NDUFAF6: variants seen among roughly 807,000 people sequenced by gnomAD.
NDUFAF6 encodes the protein NADH:ubiquinone oxidoreductase complex assembly factor 6.
In NDUFAF6, 45 loss-of-function variants were observed where a neutral mutation model predicts 40.8. The ratio of observed to expected loss-of-function variants is 1.10; its 90% CI spans 0.87 to 1.42. The LOEUF is 1.42. Among genes scored for constraint, NDUFAF6 ranks in the 40% most tolerant of loss-of-function variants. The probability of loss-of-function intolerance (pLI) is 0.00; values close to 1 mark genes in which losing one functional copy is unlikely to be tolerated. For synonymous variants in NDUFAF6, 185 were observed against 155.9 expected, an observed-to-expected ratio of 1.19 and a Z score of -1.39; for missense variants, 435 against 418.5, an observed-to-expected ratio of 1.04 and a Z score of -0.34.
At chr8:95,091,137 A>G (rs1018542964) in intron 2 of NDUFAF6, among the ~76,000 whole-genome samples, 1 of 151,928 alleles carries the variant, frequency 6.6e-6, no homozygotes, top group Non-Finnish European at 1.5e-5. Context: ...TTCGCCAAAC[A>G]CCTGCTGTAT....
chr8:94,950,104 C>T (rs1257120640), intron 2 of NDUFAF6: 1 of 152,584 alleles, frequency 6.6e-6, no homozygotes, highest in Non-Finnish European at 1.5e-5. Context: ...TCGGGGGCCT[C>T]TGCTCCAGCG....
At chr8:95,013,676 T>G (rs10103841) in intron 2 of NDUFAF6, among the ~76,000 whole-genome samples, 21,758 of 152,084 alleles carry the variant, frequency 0.14, 1,561 homozygotes, top group Middle Eastern at 0.25. Flanking sequence ...ATCCTAGTTA[T>G]GGGGGAGAGT....
chr8:94,989,803 C>T (rs1321377686), intron 2 of NDUFAF6, among the ~76,000 whole-genome samples: 4 of 152,316 alleles, frequency 2.6e-5, no homozygotes, highest in African/African-American at 9.6e-5. Context: ...GTGGCGTTAT[C>T]ATGGCCTCAA....
chr8:94,911,897 A>G (rs1818804686), intron 1 of NDUFAF6, among the ~76,000 whole-genome samples: 1 of 152,244 alleles, frequency 6.6e-6, no homozygotes, highest in African/African-American at 2.4e-5. Flanking sequence ...CTGATACTCA[A>G]ACACAATAGC....
In NDUFAF6 at chr8:95,052,218, T is replaced by C. The variant is rs371395957; in HGVS notation, c.861T>C (p.Ala287=). Residue 287 remains alanine, a synonymous_variant, in exon 8 of 9, where the codon GCT becomes GCC. Coordinates refer to ENST00000396124, the MANE Select transcript of NDUFAF6 (RefSeq NM_152416.4). The part of the protein sequence containing the change: ...HKTVPVKAFP[A]FLQTVSLEDF... ...CTGTTCCTGTGAAAGCATTTCCTGC[T>C]TTTCTTCAGACGGTAAGTAGATTAA... The C allele has an allele frequency of 1.2e-6, 2 of 1,614,102 alleles. No individual in the cohort carries two copies. The highest frequency in any genetic ancestry group is 2.2e-5 in the East Asian group (1 of 44,878).
intron 1 of NDUFAF6, among the ~76,000 whole-genome samples, chr8:94,936,336 A>C (rs888134537): frequency 5.9e-5 from 9 of 152,182 alleles, no homozygotes; most frequent in Non-Finnish European, 1.0e-4. Context: ...GGACACACCC[A>C]CAAGCAGGGA....
chr8:95,009,705 T>A (rs1827151772), intron 2 of NDUFAF6, among the ~76,000 whole-genome samples: 1 of 152,162 alleles, frequency 6.6e-6, no homozygotes, highest in South Asian at 2.1e-4. Context: ...GAGCTTCTCC[T>A]TTTTGTAAAG....
rs190425136 is a variant in NDUFAF6 at position 95,081,927 on chromosome 8, G to A, written n.213+6175G>A. 5.4e-3 allele frequency among the ~76,000 whole-genome samples: 823 copies of A among 152,306 alleles called. 6 individuals are homozygous for A. The highest frequency in any genetic ancestry group is 0.019 in the African/African-American group (780 of 41,578). Reference sequence around the variant, plus strand: ...AATCCAAAAATAAAATTAGCCGGGCGTGGTGGCGGGCACCTGTAATCCCAG... The same window carrying A: ...AATCCAAAAATAAAATTAGCCGGGCATGGTGGCGGGCACCTGTAATCCCAG... On this transcript the variant is annotated intron_variant and non_coding_transcript_variant, in intron 2 of 5. Coordinates refer to the NDUFAF6 transcript ENST00000523184.
upstream of NDUFAF6, among the ~76,000 whole-genome samples, chr8:95,022,651 G>A (rs989590370): frequency 2.0e-5 from 3 of 150,306 alleles, no homozygotes; most frequent in Non-Finnish European, 4.4e-5. Flanking sequence ...AAACCAGAAG[G>A]ACTAGAAGAA....
chr8:95,020,147 G>A (rs563008587), upstream of NDUFAF6, among the ~76,000 whole-genome samples: 24 of 152,200 alleles, frequency 1.6e-4, no homozygotes, highest in Middle Eastern at 3.4e-3. Flanking sequence ...TGCAGTGAGC[G>A]GAGATCGCAC....
intron 9 of NDUFAF6, chr8:95,073,005 A>T (rs1329704320): frequency 6.5e-6 from 1 of 153,200 alleles, no homozygotes; most frequent in Non-Finnish European, 1.5e-5. Context: ...TCCTTTTCTT[A>T]CAACTTCTGG....
chr8:94,929,690 C>T (rs1333340126), intron 1 of NDUFAF6: 1 of 152,136 alleles, frequency 6.6e-6, no homozygotes, highest in African/African-American at 2.4e-5. Flanking sequence ...GGAATAGTAA[C>T]AAATTAAATA....
intron 1 of NDUFAF6, chr8:94,927,107 A>G (rs968545251): frequency 2.0e-5 from 3 of 152,614 alleles, no homozygotes; most frequent in South Asian, 2.1e-4. Flanking sequence ...ATGAAAACTA[A>G]TATGTGGAAA....
intron 3 of NDUFAF6, among the ~76,000 whole-genome samples, chr8:95,039,012 T>C (rs1829840215): frequency 6.6e-6 from 1 of 151,004 alleles, no homozygotes; most frequent in Non-Finnish European, 1.5e-5. Context: ...GGTGTTGCTC[T>C]GTTGCTCAGA....
At position 95,058,109 on chromosome 8, in the gene NDUFAF6, C is replaced by G. The variant is rs1189301777; in HGVS notation, c.*172C>G. 2.8e-6 allele frequency: 4 copies of G among 1,448,398 alleles called. No individual in the cohort carries two copies. The highest frequency in any genetic ancestry group is 3.6e-6 in the Non-Finnish European group (4 of 1,111,112). 89.7% of individuals were successfully genotyped at this position (1,448,398 alleles called of 1,614,324 possible). On this transcript the variant is annotated 3_prime_UTR_variant, in exon 9 of 9. Transcript: ENST00000396124. ...CCGTGGGACTAGGGTGCCAAGACTG[C>G]TGAGATTCTGGCAGAGGCACTGCCA...
At chr8:95,096,776 T>A (rs1023184049), upstream of NDUFAF6, among the ~76,000 whole-genome samples, 2 of 152,230 alleles carry the variant, frequency 1.3e-5, no homozygotes, top group African/African-American at 4.8e-5. Flanking sequence ...CCACACTGAC[T>A]TTTTTCAAAA....
chr8:95,050,605 C>T (rs557172430), intron 7 of NDUFAF6, among the ~76,000 whole-genome samples: 4 of 152,132 alleles, frequency 2.6e-5, no homozygotes, highest in South Asian at 2.1e-4. Flanking sequence ...TGAAGTGCAG[C>T]ATATTGTACA....
chr8:94,911,679 C>A (rs1176211715), intron 1 of NDUFAF6, among the ~76,000 whole-genome samples: 2 of 152,196 alleles, frequency 1.3e-5, no homozygotes, highest in Non-Finnish European at 2.9e-5. Context: ...TATTACTAAC[C>A]CAGCTGAGAA....
At chr8:94,936,698 G>C (rs1267095536) in intron 1 of NDUFAF6, among the ~76,000 whole-genome samples, 1 of 152,104 alleles carries the variant, frequency 6.6e-6, no homozygotes, top group African/African-American at 2.4e-5. Context: ...GGAAATTTGA[G>C]GGGTATATTA....
Sources: gnomAD v4.1 joint callset for allele counts (sites outside exome capture counted in the v4.1 genomes callset) on GRCh38, gnomAD v4.1.1 for gene constraint, MANE v1.5 for transcripts, NCBI Gene and HGNC (gene_info 2026-07-23, HGNC 2026-07-21) for gene names.